GLIPR1L1: variants seen among roughly 807,000 people sequenced by gnomAD.
The protein encoded by GLIPR1L1 is GLIPR1 like 1, also known as GLIPR1-like protein 1.
In GLIPR1L1, 26 loss-of-function variants were observed where a neutral mutation model predicts 29.9. The observed-to-expected ratio is 0.87, with a 90% confidence interval of 0.64 to 1.21. The LOEUF (loss-of-function observed/expected upper bound fraction) is 1.21. GLIPR1L1 is among the 50% of genes most tolerant of loss of function. GLIPR1L1 has a pLI of 0.00. For synonymous variants in GLIPR1L1, 77 were observed against 97.5 expected, an observed-to-expected ratio of 0.79 and a Z score of 1.24; for missense variants, 305 against 290.3, an observed-to-expected ratio of 1.05 and a Z score of -0.37.
intron 3 of GLIPR1L1, among the ~76,000 whole-genome samples, chr12:75,361,994 A>G (rs1354292800): frequency 1.3e-5 from 2 of 152,160 alleles, no homozygotes; most frequent in East Asian, 1.9e-4. Flanking sequence ...TTAAACTACC[A>G]CATTAAAACA....
intron 2 of GLIPR1L1, among the ~76,000 whole-genome samples, chr12:75,344,639 G>A (rs527799798): frequency 3.9e-4 from 60 of 151,984 alleles, no homozygotes; most frequent in African/African-American, 1.4e-3. Flanking sequence ...ATTATGAATC[G>A]AATTTTCTTC....
At chr12:75,349,216 A>G (rs934783682) in intron 3 of GLIPR1L1, among the ~76,000 whole-genome samples, 2 of 152,228 alleles carry the variant, frequency 1.3e-5, no homozygotes, top group Non-Finnish European at 2.9e-5. Context: ...AGGGAGCAGA[A>G]CTAAACTGCT....
At chr12:75,356,886 ATCAG>A (rs906366409) in intron 3 of GLIPR1L1, among the ~76,000 whole-genome samples, 30 of 152,312 alleles carry the variant, frequency 2.0e-4, no homozygotes, top group African/African-American at 7.2e-4. Context: ...CCATGCTAAC[ATCAG>A]TCAAAGAAGG....
chr12:75,352,271 T>C (rs972023339), intron 3 of GLIPR1L1, among the ~76,000 whole-genome samples: 3 of 152,168 alleles, frequency 2.0e-5, no homozygotes, highest in African/African-American at 4.8e-5. Context: ...CCATCTCACA[T>C]GCAAAGACAT....
chr12:75,369,863 G>A, intron 4 of GLIPR1L1, 97 bp from the exon 5 acceptor site: 2 of 1,331,730 alleles, frequency 1.5e-6, no homozygotes, highest in East Asian at 2.7e-5. Flanking sequence ...ACTAATTTTT[G>A]TTAGTTGATT....
At chr12:75,360,952 C>T (rs1330347879) in intron 3 of GLIPR1L1, 1 of 152,198 alleles carries the variant, frequency 6.6e-6, no homozygotes, top group African/African-American at 2.4e-5. Context: ...TGCAGTCTTT[C>T]TTCCCCTTAG....
intron 1 of GLIPR1L1, 75 bp from the exon 2 acceptor site, chr12:75,343,614 CTTAG>C (rs1315259208): frequency 4.3e-5 from 47 of 1,099,068 alleles, no homozygotes; most frequent in Non-Finnish European, 5.3e-5. Context: ...TTAAGCAAAA[CTTAG>C]TTGATTACAA....
At chr12:75,363,596 A>G (rs913474366) in intron 4 of GLIPR1L1, among the ~76,000 whole-genome samples, 2 of 152,198 alleles carry the variant, frequency 1.3e-5, no homozygotes, top group Admixed American at 1.3e-4. Flanking sequence ...TTTCTCTTTC[A>G]TGATCAGCTT....
chr12:75,365,364 C>T (rs1292284146), intron 4 of GLIPR1L1: 2 of 152,108 alleles, frequency 1.3e-5, no homozygotes, highest in Admixed American at 1.3e-4. Context: ...TTCATTAGAA[C>T]AGAAAAAGGA....
chr12:75,347,782 A>G (rs911339639), intron 3 of GLIPR1L1, 60 bp downstream of exon 3: 25 of 1,090,336 alleles, frequency 2.3e-5, no homozygotes, highest in Middle Eastern at 4.2e-4. Context: ...TGGTTGCCAA[A>G]TAAGAGGACC....
At chr12:75,354,583 T>C (rs975727636) in intron 3 of GLIPR1L1, among the ~76,000 whole-genome samples, 4 of 152,202 alleles carry the variant, frequency 2.6e-5, no homozygotes, top group African/African-American at 9.6e-5. Context: ...TTCAATGCTA[T>C]TCCCATTAAA....
At chr12:75,335,376 T>C (rs544565465) in intron 1 of GLIPR1L1, among the ~76,000 whole-genome samples, 4 of 152,310 alleles carry the variant, frequency 2.6e-5, no homozygotes, top group African/African-American at 7.2e-5. Flanking sequence ...AAAAATACAG[T>C]ACTCTATTGA....
chr12:75,356,098 A>T (rs1351432554), intron 3 of GLIPR1L1, among the ~76,000 whole-genome samples: 2 of 152,150 alleles, frequency 1.3e-5, no homozygotes, highest in Non-Finnish European at 2.9e-5. Flanking sequence ...CCTATGTCAC[A>T]AACCTGCCCA....
At position 75,339,289 on chromosome 12, in the gene GLIPR1L1, C is replaced by CA. The variant is rs2041945515; in HGVS notation, c.174+4388dup. 2.0e-5 allele frequency among the ~76,000 whole-genome samples: 3 copies of CA among 152,116 alleles called. No individual in the cohort carries two copies. The South Asian group carries it at 6.2e-4, about 31-fold the overall frequency. On this transcript the variant is annotated intron_variant, in intron 1 of 5. Coordinates refer to ENST00000378695, the MANE Select transcript of GLIPR1L1 (RefSeq NM_001304964.2). ...TGTTTCTGGACTTTTTAATAATTGC[C>CA]ATTCTGAGTGGCCTAAGATGGTATC...
chr12:75,351,545 GT>G (rs200327101), intron 3 of GLIPR1L1, among the ~76,000 whole-genome samples: 2,315 of 148,490 alleles, frequency 0.016, 47 homozygotes, highest in African/African-American at 0.055. Context: ...ACTCTGTTTT[GT>G]TTTGTTTTTT....
At chr12:75,364,013 G>A (rs2139630879) in intron 4 of GLIPR1L1, among the ~76,000 whole-genome samples, 1 of 152,290 alleles carries the variant, frequency 6.6e-6, no homozygotes, top group Non-Finnish European at 1.5e-5. Flanking sequence ...TCAATAGAAA[G>A]GAATACCTCG....
At position 75,370,074 on chromosome 12, in the gene GLIPR1L1, G is replaced by A; in HGVS notation, c.638-11G>A. The A allele has an allele frequency of 6.4e-7, 1 of 1,565,276 alleles. No individual in the cohort carries two copies. Among genetic ancestry groups the A allele is most frequent in the Non-Finnish European group, 8.8e-7 (1 of 1,141,200 alleles). ...TCTTAACTATTCTGGTTTTGTTTTT[G>A]TTTTTGACAGAAAATCCATTTCTGA... On this transcript the variant is annotated splice_polypyrimidine_tract_variant and intron_variant, in intron 5 of 5. Coordinates refer to ENST00000378695, the MANE Select transcript of GLIPR1L1 (RefSeq NM_001304964.2).
intron 1 of GLIPR1L1, 120 bp downstream of exon 1, chr12:75,335,022 A>G (rs2041627246): frequency 1.0e-6 from 1 of 952,728 alleles, no homozygotes; most frequent in African/African-American, 1.7e-5. Flanking sequence ...ATGCAGTTAA[A>G]AAGAAAAAAA....
In GLIPR1L1 at chr12:75,334,810, A is replaced by G; in HGVS notation, c.82A>G (p.Ile28Val). ...CACTACATCTTCCAAAATCCCATCC[A>G]TCACTGACCCACACTTTATAGACAA... ...VATTSSKIPSITDPHFIDNCI... is the reference protein window; with the variant it reads ...VATTSSKIPSVTDPHFIDNCI... The change falls in exon 1 of 6, where the codon ATC becomes GTC. Residue 28 changes from isoleucine to valine, a missense_variant. Transcript: ENST00000378695. 2.5e-6 allele frequency: 4 copies of G among 1,614,118 alleles called. No homozygotes were observed. The highest frequency in any genetic ancestry group is 1.6e-4 in the Middle Eastern group (1 of 6,062).
Sources: gnomAD v4.1 joint callset for allele counts (sites outside exome capture counted in the v4.1 genomes callset) on GRCh38, gnomAD v4.1.1 for gene constraint, MANE v1.5 for transcripts, NCBI Gene and HGNC (gene_info 2026-07-23, HGNC 2026-07-21) for gene names.